ZFHX3: variants seen among roughly 807,000 people sequenced by gnomAD.
ZFHX3 encodes zinc finger homeobox 3.
A neutral mutation model predicts 279.1 loss-of-function variants in ZFHX3; 42 were observed. The ratio of observed to expected loss-of-function variants is 0.15; its 90% CI spans 0.12 to 0.19. The LOEUF (loss-of-function observed/expected upper bound fraction) is 0.19. Ranked by LOEUF, ZFHX3 falls within the 10% of genes least tolerant of loss-of-function variation. ZFHX3 has a pLI of 1.00. For missense variants in ZFHX3, 4,981 were observed against 4,754.0 expected, an observed-to-expected ratio of 1.05 and a Z score of -1.40; for synonymous variants, 2,293 against 1,957.8, an observed-to-expected ratio of 1.17 and a Z score of -4.52.
At chr16:73,541,058 C>A (rs1421139175) in intron 2 of ZFHX3, among the ~76,000 whole-genome samples, 1 of 152,202 alleles carries the variant, frequency 6.6e-6, no homozygotes, top group African/African-American at 2.4e-5. Flanking sequence ...TACCCCAAAG[C>A]ACCAGGCCAG....
At chr16:73,099,518 C>A (rs1176838955) in intron 7 of ZFHX3, among the ~76,000 whole-genome samples, 1 of 151,904 alleles carries the variant, frequency 6.6e-6, no homozygotes, top group African/African-American at 2.4e-5. Context: ...TGAGACCAGC[C>A]TGGCCAACAT....
At chr16:73,696,389 C>T (rs1029363738) in intron 1 of ZFHX3, among the ~76,000 whole-genome samples, 3 of 152,222 alleles carry the variant, frequency 2.0e-5, no homozygotes, top group Non-Finnish European at 4.4e-5. Context: ...TACCTACAGA[C>T]TCATCCTGAA....
At chr16:73,616,425 G>C (rs1248025551) in intron 2 of ZFHX3, among the ~76,000 whole-genome samples, 1 of 123,062 alleles carries the variant, frequency 8.1e-6, no homozygotes, top group Non-Finnish European at 1.7e-5. Context: ...GGCAACTATG[G>C]AGGAAAAAAA....
chr16:73,819,068 G>A (rs927499583), intron 1 of ZFHX3, among the ~76,000 whole-genome samples: 5 of 152,062 alleles, frequency 3.3e-5, no homozygotes, highest in African/African-American at 7.2e-5. Flanking sequence ...TGCTCCTTAC[G>A]TGGGGCACTG....
chr16:73,365,325 A>G (rs1225968165), intron 3 of ZFHX3, among the ~76,000 whole-genome samples: 1 of 152,106 alleles, frequency 6.6e-6, no homozygotes, highest in Non-Finnish European at 1.5e-5. Context: ...TGGTGCCCAC[A>G]CCTCTGAGCT....
At chr16:73,823,087 A>G (rs1368367734) in intron 1 of ZFHX3, among the ~76,000 whole-genome samples, 1 of 152,158 alleles carries the variant, frequency 6.6e-6, no homozygotes, top group Non-Finnish European at 1.5e-5. Context: ...GACATTAATG[A>G]TCTGATCATA....
chr16:73,208,505 A>G (rs926042548), intron 5 of ZFHX3, among the ~76,000 whole-genome samples: 3 of 152,070 alleles, frequency 2.0e-5, no homozygotes, highest in African/African-American at 7.2e-5. Flanking sequence ...TAACATGTTA[A>G]TTTTCATAGT....
chr16:73,297,375 T>G (rs1048891589), intron 4 of ZFHX3, among the ~76,000 whole-genome samples: 1 of 152,028 alleles, frequency 6.6e-6, no homozygotes, highest in African/African-American at 2.4e-5. Flanking sequence ...AACCTACATG[T>G]GTGTTGAAAA....
chr16:72,863,240 C>T (rs2037927330), intron 4 of ZFHX3, among the ~76,000 whole-genome samples: 1 of 149,170 alleles, frequency 6.7e-6, no homozygotes, highest in Admixed American at 6.8e-5. Context: ...TGGTGGCTCA[C>T]ACCTGTAATC....
chr16:73,199,880 G>C (rs759746556), intron 5 of ZFHX3, among the ~76,000 whole-genome samples: 2 of 152,142 alleles, frequency 1.3e-5, no homozygotes, highest in Non-Finnish European at 2.9e-5. Context: ...GAAATACAGA[G>C]TTTTATAGAT....
At chr16:73,179,599 G>T (rs546999357) in intron 5 of ZFHX3, among the ~76,000 whole-genome samples, 1 of 152,298 alleles carries the variant, frequency 6.6e-6, no homozygotes, top group East Asian at 1.9e-4. Flanking sequence ...TGCTCACGTG[G>T]AAATTGGCAA....
At chr16:73,453,806 G>T (rs1046688065) in intron 3 of ZFHX3, among the ~76,000 whole-genome samples, 24 of 152,196 alleles carry the variant, frequency 1.6e-4, no homozygotes, top group African/African-American at 5.5e-4. Context: ...GCAGATAAGA[G>T]AATTTGTGCA....
chr16:73,522,074 A>G (rs2019617138), intron 2 of ZFHX3, among the ~76,000 whole-genome samples: 1 of 152,208 alleles, frequency 6.6e-6, no homozygotes, highest in Non-Finnish European at 1.5e-5. Flanking sequence ...TTACTTAATG[A>G]ATATAGGAAA....
intron 8 of ZFHX3, among the ~76,000 whole-genome samples, chr16:73,076,983 T>A (rs1238720496): frequency 6.6e-6 from 1 of 152,182 alleles, no homozygotes; most frequent in Non-Finnish European, 1.5e-5. Flanking sequence ...TCATCAGAAC[T>A]CAGAGGATCT....
At chr16:73,088,021 T>C (rs933986245) in intron 8 of ZFHX3, among the ~76,000 whole-genome samples, 1 of 152,076 alleles carries the variant, frequency 6.6e-6, no homozygotes, top group Non-Finnish European at 1.5e-5. Flanking sequence ...AGAGATGGGG[T>C]TTCTCCATGT....
rs151338045 is a variant in ZFHX3 at position 73,361,439 on chromosome 16, C to T, written c.-1290-43103G>A. ...GCTCTGGCCTAGCTCACAGCTGAAT[C>T]GCCCAGCTGAAATCATGCGGAATAC... On this transcript the variant is annotated intron_variant, in intron 3 of 17. Transcript: ENST00000641206. Among the ~76,000 whole-genome samples the T allele has an allele frequency of 2.2e-3, 329 of 152,358 alleles. 1 individual carries two copies. Among genetic ancestry groups the T allele is most frequent in the African/African-American group, 7.5e-3 (312 of 41,580 alleles).
At chr16:73,760,525 C>T (rs113132186) in intron 1 of ZFHX3, among the ~76,000 whole-genome samples, 2 of 151,760 alleles carry the variant, frequency 1.3e-5, no homozygotes, top group African/African-American at 4.8e-5. Context: ...CAAAACCTGA[C>T]AAAAAAAGAA....
At chr16:73,547,155 T>G (rs1309517656) in intron 2 of ZFHX3, among the ~76,000 whole-genome samples, 1 of 152,054 alleles carries the variant, frequency 6.6e-6, no homozygotes, top group African/African-American at 2.4e-5. Context: ...TGTGTAAAAA[T>G]GCAATGATGT....
chr16:73,149,281 CATA>C (rs1404007498), intron 5 of ZFHX3, among the ~76,000 whole-genome samples: 6 of 147,934 alleles, frequency 4.1e-5, no homozygotes, highest in East Asian at 3.9e-4. Context: ...ATTGACATTA[CATA>C]ATATTATCAG....
Sources: allele counts gnomAD v4.1 joint callset (sites outside exome capture counted in the v4.1 genomes callset), GRCh38; gene constraint gnomAD v4.1.1; transcripts MANE v1.5; gene names NCBI Gene and HGNC (gene_info 2026-07-23, HGNC 2026-07-21).